TSHZ2: variants seen among roughly 807,000 people sequenced by gnomAD.
TSHZ2 encodes teashirt homolog 2.
In TSHZ2, 21 loss-of-function variants were observed where a neutral mutation model predicts 74.4. The ratio of observed to expected loss-of-function variants is 0.28; its 90% confidence interval spans 0.20 to 0.41. The LOEUF is 0.41. TSHZ2 is among the 10% of genes least tolerant of loss of function. The pLI is 1.00. For synonymous variants in TSHZ2, 540 were observed against 515.3 expected (o/e 1.05, Z -0.65); for missense variants, 1,244 against 1,293.5 (o/e 0.96, Z 0.59).
intron 1 of TSHZ2, among the ~76,000 whole-genome samples, chr20:53,176,748 G>A (rs1988349698): frequency 6.7e-6 from 1 of 149,602 alleles, no homozygotes. Flanking sequence ...GTGCAGTGGT[G>A]CAATCTCGGC....
chr20:53,056,000 C>T (rs1984627649), intron 1 of TSHZ2, among the ~76,000 whole-genome samples: 1 of 152,148 alleles, frequency 6.6e-6, no homozygotes, highest in Non-Finnish European at 1.5e-5. Context: ...TTTTCCATTG[C>T]TATTTTATTT....
chr20:53,329,661 G>A (rs1474467248), intron 2 of TSHZ2, among the ~76,000 whole-genome samples: 2 of 151,962 alleles, frequency 1.3e-5, no homozygotes, highest in African/African-American at 4.8e-5. Flanking sequence ...TGTGGGGGGC[G>A]GGGGAGGGCG....
intron 1 of TSHZ2, among the ~76,000 whole-genome samples, chr20:53,086,239 A>T (rs190308089): frequency 2.0e-5 from 3 of 152,354 alleles, no homozygotes; most frequent in Admixed American, 1.3e-4. Flanking sequence ...CAGGGAATTG[A>T]TGCAAAGGTG....
chr20:53,325,883 G>A (rs1979472585), intron 2 of TSHZ2, among the ~76,000 whole-genome samples: 1 of 152,158 alleles, frequency 6.6e-6, no homozygotes, highest in Admixed American at 6.5e-5. Context: ...CCAGGTTCAA[G>A]CGATTCTCCT....
At chr20:53,011,428 G>A (rs1052476548) in intron 1 of TSHZ2, among the ~76,000 whole-genome samples, 2 of 152,092 alleles carry the variant, frequency 1.3e-5, no homozygotes, top group African/African-American at 2.4e-5. Flanking sequence ...AATATAACAG[G>A]ACCAACAGTG....
rs542211723 is a variant in TSHZ2, at chr20:52,995,325, T to C, written c.40+21992T>C. Among the ~76,000 whole-genome samples, 7 of 152,332 alleles carry C rather than the reference T, an allele frequency of 4.6e-5. No homozygotes were observed. In the East Asian group the frequency reaches 1.4e-3, roughly 29 times the overall value. The stretch of plus-strand genomic sequence containing the variant: ...ATCATCGTCCATCTGGCTTAGCCAC[T>C]AGCAGAAAAGAACATCTCTCTCAGG... On this transcript the variant is annotated intron_variant, in intron 1 of 2. Transcript: ENST00000371497.
intron 2 of TSHZ2, among the ~76,000 whole-genome samples, chr20:53,368,092 C>A (rs1209379000): frequency 6.6e-6 from 1 of 152,090 alleles, no homozygotes; most frequent in Non-Finnish European, 1.5e-5. Context: ...CCCATGACAG[C>A]AGCTTGTAGA....
intron 2 of TSHZ2, among the ~76,000 whole-genome samples, chr20:53,435,469 A>G (rs1484703054): frequency 6.6e-6 from 1 of 152,234 alleles, no homozygotes; most frequent in African/African-American, 2.4e-5. Flanking sequence ...TGAAAAAACA[A>G]AATAAGGGAA....
chr20:53,182,234 C>CTCCTTCCTTCCT (rs1555833729), intron 1 of TSHZ2, among the ~76,000 whole-genome samples: 1 of 146,432 alleles, frequency 6.8e-6, no homozygotes, highest in African/African-American at 2.6e-5. Context: ...TCTTGACTCC[C>CTCCTTCCTTCCT]TCCTTCCTTC....
At chr20:53,321,708 A>G (rs378453) in intron 2 of TSHZ2, among the ~76,000 whole-genome samples, 9 of 145,920 alleles carry the variant, frequency 6.2e-5, no homozygotes, top group African/African-American at 2.3e-4. Flanking sequence ...AAAGAAAGAC[A>G]TTCCTAAGCC....
At chr20:53,214,579 G>A (rs1989391404) in intron 1 of TSHZ2, among the ~76,000 whole-genome samples, 1 of 152,214 alleles carries the variant, frequency 6.6e-6, no homozygotes, top group Admixed American at 6.5e-5. Context: ...CAGGCATGGT[G>A]GCACGTGCCT....
intron 1 of TSHZ2, among the ~76,000 whole-genome samples, chr20:52,997,265 G>A (rs1033499851): frequency 2.0e-5 from 3 of 149,796 alleles, no homozygotes; most frequent in East Asian, 1.9e-4. Context: ...GCCCCGGGGG[G>A]GGGTTCAGCA....
chr20:53,120,871 A>T (rs1339225561), intron 1 of TSHZ2, among the ~76,000 whole-genome samples: 2 of 152,254 alleles, frequency 1.3e-5, no homozygotes, highest in African/African-American at 4.8e-5. Flanking sequence ...CTGCACATTT[A>T]TCACTCTCCT....
At chr20:53,133,080 C>G (rs2107324) in intron 1 of TSHZ2, among the ~76,000 whole-genome samples, 2 of 151,984 alleles carry the variant, frequency 1.3e-5, no homozygotes, top group Non-Finnish European at 2.9e-5. Flanking sequence ...GCTTTCCTGA[C>G]CTTCTTTTTC....
chr20:53,212,589 G>C (rs1385028380), intron 1 of TSHZ2, among the ~76,000 whole-genome samples: 1 of 152,180 alleles, frequency 6.6e-6, no homozygotes, highest in Non-Finnish European at 1.5e-5. Context: ...CTTTCATTCA[G>C]AGTACAGAAA....
chr20:53,238,303 G>A (rs1989984947), intron 1 of TSHZ2, among the ~76,000 whole-genome samples: 2 of 152,110 alleles, frequency 1.3e-5, no homozygotes, highest in South Asian at 4.1e-4. Flanking sequence ...GTAAAAACAA[G>A]GAATTTGTTG....
Position 53,493,725 on chromosome 20 carries a change from T to C in TSHZ2, c.*6590T>C, listed in dbSNP as rs949040600. 1 of 151,544 alleles carries C rather than the reference T, an allele frequency of 6.6e-6. No individual in the cohort carries two copies. The highest frequency in any genetic ancestry group is 2.4e-5 in the African/African-American group (1 of 41,244). The allele number at this position is 151,544 out of a possible 1,614,324, so 9.4% of individuals were successfully genotyped here. ...TCACTTCTTTTTGATGATTATAAAT[T>C]GTCCTTGCAATGAAAAAAAAAAAAG... On this transcript the variant is annotated 3_prime_UTR_variant, in exon 3 of 3. Coordinates refer to ENST00000371497, the MANE Select transcript of TSHZ2 (RefSeq NM_173485.6).
Position 53,254,001 on chromosome 20 carries a change from G to T in TSHZ2, c.543G>T (p.Leu181Phe), listed in dbSNP as rs1455846746. The change falls in exon 2 of 3, where the codon TTG (leucine) becomes TTT (phenylalanine). Residue 181 changes from leucine (L) to phenylalanine (F), a missense_variant. Transcript: ENST00000371497. ...TGTCCAAAAGCCTGCAGCAGAACTT[G>T]CCTTCTCGGTCCGTCTCGAAACCCA... ...DALSKSLQQN[L>F]PSRSVSKPSL... The T allele has an allele frequency of 6.2e-7, 1 of 1,614,146 alleles. No individual in the cohort carries two copies. Among genetic ancestry groups the T allele is most frequent in the Non-Finnish European group, 8.5e-7 (1 of 1,180,026 alleles).
intron 2 of TSHZ2, among the ~76,000 whole-genome samples, chr20:53,451,608 A>T (rs982381713): frequency 1.3e-5 from 2 of 151,688 alleles, no homozygotes; most frequent in African/African-American, 4.8e-5. Flanking sequence ...TGCCGTAAAA[A>T]CTCTTCTTAT....
Sources: gnomAD v4.1 joint callset for allele counts (sites outside exome capture counted in the v4.1 genomes callset) on GRCh38, gnomAD v4.1.1 for gene constraint, MANE v1.5 for transcripts, NCBI Gene and HGNC (gene_info 2026-07-23, HGNC 2026-07-21) for gene names.